Variants in ENPP6 observed in about 807,000 individuals in gnomAD.
ENPP6 encodes glycerophosphocholine cholinephosphodiesterase ENPP6.
Under a neutral mutation model 42.0 loss-of-function variants are expected in ENPP6, and 32 were observed. The ratio of observed to expected loss-of-function variants is 0.76; its 90% CI spans 0.58 to 1.02. The LOEUF (loss-of-function observed/expected upper bound fraction) is 1.02, where lower values mean the gene tolerates loss of function less well. ENPP6 is among the 50% of genes least tolerant of loss of function. The pLI, the probability that ENPP6 is intolerant of heterozygous loss-of-function variation, is 0.00. For synonymous variants in ENPP6, 213 were observed against 216.0 expected, an observed-to-expected ratio of 0.99 and a Z score of 0.12; for missense variants, 552 against 566.8, an observed-to-expected ratio of 0.97 and a Z score of 0.27.
intron 1 of ENPP6, among the ~76,000 whole-genome samples, chr4:184,186,890 C>A (rs987972082): frequency 3.3e-5 from 5 of 152,136 alleles, no homozygotes; most frequent in Non-Finnish European, 5.9e-5. Flanking sequence ...TCACACTACC[C>A]CCCTACTCAG....
In ENPP6 at chr4:184,209,462, A is replaced by G. The variant is rs1220440225; in HGVS notation, c.241+8117T>C. Among the ~76,000 whole-genome samples, 7 of 151,660 alleles carry G rather than the reference A, an allele frequency of 4.6e-5. No individual in the cohort carries two copies. The East Asian group carries it at 5.8e-4, about 13-fold the overall frequency. Reference sequence around the variant, plus strand: ...ATGCAGAAGCCTCAGGAGCCAAAGCAATCAACTGGAAGAAAGGGTATCAGC... The same window carrying G: ...ATGCAGAAGCCTCAGGAGCCAAAGCGATCAACTGGAAGAAAGGGTATCAGC... On this transcript the variant is annotated intron_variant, in intron 1 of 7. Coordinates refer to ENST00000296741, the MANE Select transcript of ENPP6 (RefSeq NM_153343.4).
At chr4:184,124,030 A>T in intron 3 of ENPP6, 131 bp downstream of exon 3, 2 of 612,850 alleles carry the variant, frequency 3.3e-6, no homozygotes, top group Non-Finnish European at 2.8e-6. Flanking sequence ...GTTAACAATC[A>T]CTATGCAAGA....
At chr4:184,106,870 C>T (rs765690163) in intron 6 of ENPP6, among the ~76,000 whole-genome samples, 12 of 152,222 alleles carry the variant, frequency 7.9e-5, no homozygotes, top group South Asian at 6.2e-4. Flanking sequence ...TCTGCTGGTT[C>T]GCTAGGTGCA....
intron 2 of ENPP6, among the ~76,000 whole-genome samples, chr4:184,146,304 G>C (rs1736919498): frequency 1.3e-5 from 2 of 151,850 alleles, no homozygotes; most frequent in African/African-American, 2.4e-5. Flanking sequence ...GGTGGTGGGT[G>C]CTTGTAATCC....
At chr4:184,151,539 G>T (rs188341203) in intron 2 of ENPP6, among the ~76,000 whole-genome samples, 82 of 152,274 alleles carry the variant, frequency 5.4e-4, no homozygotes, top group Non-Finnish European at 1.0e-3. Context: ...GTGTGTGAGG[G>T]TGTGTTCTTC....
chr4:184,179,732 C>G (rs1403486770), intron 1 of ENPP6, among the ~76,000 whole-genome samples: 1 of 152,208 alleles, frequency 6.6e-6, no homozygotes, highest in Non-Finnish European at 1.5e-5. Flanking sequence ...CAAAACCACA[C>G]AACTATATGG....
At chr4:184,117,089 T>C (rs1579617421) in intron 4 of ENPP6, 54 bp from the exon 5 acceptor site, 1 of 1,592,276 alleles carries the variant, frequency 6.3e-7, no homozygotes, top group Non-Finnish European at 8.6e-7. Context: ...GCTCGTGCAC[T>C]CAGAAAACCT....
intron 6 of ENPP6, among the ~76,000 whole-genome samples, chr4:184,101,152 T>C (rs1017120360): frequency 6.6e-6 from 1 of 151,956 alleles, no homozygotes; most frequent in African/African-American, 2.4e-5. Flanking sequence ...TGTGCATGTG[T>C]GTGTGAATGT....
chr4:184,158,734 C>A (rs76518033), intron 1 of ENPP6, among the ~76,000 whole-genome samples: 5,191 of 152,246 alleles, frequency 0.034, 257 homozygotes, highest in African/African-American at 0.11. Flanking sequence ...ATCCTTTGTG[C>A]TTTCAATGTC....
At chr4:184,136,278 C>T (rs886805690) in intron 2 of ENPP6, among the ~76,000 whole-genome samples, 11 of 151,884 alleles carry the variant, frequency 7.2e-5, no homozygotes, top group Non-Finnish European at 1.3e-4. Flanking sequence ...AATACAAGAA[C>T]ATTCAGACAC....
intron 4 of ENPP6, 92 bp from the exon 5 acceptor site, chr4:184,117,127 C>A: frequency 1.4e-6 from 2 of 1,434,360 alleles, no homozygotes; most frequent in East Asian, 2.3e-5. Context: ...AGGAGAAAGG[C>A]TATCTCCTCA....
At chr4:184,177,037 C>T (rs913988550) in intron 1 of ENPP6, among the ~76,000 whole-genome samples, 1 of 152,226 alleles carries the variant, frequency 6.6e-6, no homozygotes, top group Admixed American at 6.5e-5. Flanking sequence ...ACCCACGCCA[C>T]CAGGGCCTTG....
At chr4:184,196,945 G>A (rs1222127563) in intron 1 of ENPP6, among the ~76,000 whole-genome samples, 3 of 152,194 alleles carry the variant, frequency 2.0e-5, no homozygotes, top group African/African-American at 7.2e-5. Context: ...CCCACAGCTA[G>A]CCAGTCAGTT....
intron 6 of ENPP6, among the ~76,000 whole-genome samples, chr4:184,105,589 A>G (rs1736073837): frequency 6.6e-6 from 1 of 152,232 alleles, no homozygotes. Flanking sequence ...CAGTAAATAC[A>G]GTATCCACAA....
intron 1 of ENPP6, among the ~76,000 whole-genome samples, chr4:184,158,098 G>T (rs1737204697): frequency 6.6e-6 from 1 of 152,090 alleles, no homozygotes; most frequent in African/African-American, 2.4e-5. Context: ...GCATGCTAAG[G>T]ATATAAAGAT....
At chr4:184,200,424 T>C (rs17075449) in intron 1 of ENPP6, among the ~76,000 whole-genome samples, 3,430 of 152,322 alleles carry the variant, frequency 0.023, 138 homozygotes, top group African/African-American at 0.079. Flanking sequence ...AAAAGGTGGA[T>C]TCAAGCATAT....
chr4:184,153,464 C>A, intron 2 of ENPP6, 90 bp downstream of exon 2: 6 of 1,401,086 alleles, frequency 4.3e-6, no homozygotes, highest in Non-Finnish European at 5.8e-6. Flanking sequence ...TTCCAAACCA[C>A]GGCTTGGTCT....
chr4:184,120,910 G>C (rs1370552040), intron 3 of ENPP6, among the ~76,000 whole-genome samples: 2 of 152,210 alleles, frequency 1.3e-5, no homozygotes, highest in African/African-American at 4.8e-5. Context: ...AGTTGACCCT[G>C]GAGTGGTTCT....
At chr4:184,149,088 T>C (rs1433481793) in intron 2 of ENPP6, among the ~76,000 whole-genome samples, 2 of 152,334 alleles carry the variant, frequency 1.3e-5, no homozygotes, top group Middle Eastern at 3.4e-3. Flanking sequence ...ATTTAAAAAA[T>C]AGTGGATATC....
Sources: allele counts gnomAD v4.1 joint callset (sites outside exome capture counted in the v4.1 genomes callset), GRCh38; gene constraint gnomAD v4.1.1; transcripts MANE v1.5; gene names NCBI Gene and HGNC (gene_info 2026-07-23, HGNC 2026-07-21).